CLDN14: variants seen among roughly 807,000 people sequenced by gnomAD.
CLDN14 encodes claudin-14.
A neutral mutation model predicts 2.1 loss-of-function variants in CLDN14; 2 were observed. That is an observed-to-expected ratio of 0.96 (90% confidence interval 0.39 to 3.01). The LOEUF is 3.01. Among genes scored for constraint, CLDN14 ranks in the 30% most tolerant of loss-of-function variants. The pLI is 0.09. For missense variants in CLDN14, 298 were observed against 328.0 expected, an observed-to-expected ratio of 0.91 and a Z score of 0.71; for synonymous variants, 136 against 154.4, an observed-to-expected ratio of 0.88 and a Z score of 0.88.
intron 1 of CLDN14, among the ~76,000 whole-genome samples, chr21:36,533,078 G>A (rs368999393): frequency 7.9e-5 from 12 of 152,318 alleles, no homozygotes; most frequent in South Asian, 2.1e-4. Context: ...TAAATTCAGC[G>A]TGGTCTGAAA....
intron 1 of CLDN14, among the ~76,000 whole-genome samples, chr21:36,573,551 T>A (rs2087723677): frequency 6.6e-6 from 1 of 152,200 alleles, no homozygotes; most frequent in African/African-American, 2.4e-5. Context: ...TCAACACCAC[T>A]ACTATAAAAC....
chr21:36,555,060 G>C (rs915548609), intron 1 of CLDN14, among the ~76,000 whole-genome samples: 3 of 152,248 alleles, frequency 2.0e-5, no homozygotes, highest in Admixed American at 1.3e-4. Context: ...GCTAACCAGA[G>C]GCCTGGCACA....
chr21:36,531,810 G>A (rs1411117370), intron 1 of CLDN14, among the ~76,000 whole-genome samples: 1 of 151,480 alleles, frequency 6.6e-6, no homozygotes. Flanking sequence ...GGCACTTAAG[G>A]CTATTATGTT....
chr21:36,489,129 A>ATATAT (rs56120701), intron 2 of CLDN14, among the ~76,000 whole-genome samples: 16 of 79,036 alleles, frequency 2.0e-4, no homozygotes, highest in East Asian at 9.8e-4. Context: ...AAAAAAAAAA[A>ATATAT]AAATATATAT....
rs148936127 is a variant in CLDN14, at chr21:36,494,082, C to G, written c.-82+16281G>C. Among the ~76,000 whole-genome samples, 144 of 152,292 alleles carry G rather than the reference C, an allele frequency of 9.5e-4. 2 individuals are homozygous for G. The highest frequency in any genetic ancestry group is 3.3e-3 in the African/African-American group (138 of 41,562). ...CTTCTGCGGGGACATCAACTGGATTCGCAAAGAGCCCACCCGTGCTGGGTG... is the reference window on the plus strand; with the variant it reads ...CTTCTGCGGGGACATCAACTGGATTGGCAAAGAGCCCACCCGTGCTGGGTG... On this transcript the variant is annotated intron_variant, in intron 2 of 2. Transcript: ENST00000342108.
At chr21:36,575,275 A>G (rs1240919925) in intron 1 of CLDN14, among the ~76,000 whole-genome samples, 2 of 152,192 alleles carry the variant, frequency 1.3e-5, no homozygotes, top group Non-Finnish European at 2.9e-5. Context: ...CCAAACTGTG[A>G]TACTCAGCAA....
chr21:36,497,736 C>T (rs766677646), intron 2 of CLDN14, among the ~76,000 whole-genome samples: 9 of 152,134 alleles, frequency 5.9e-5, no homozygotes, highest in East Asian at 5.8e-4. Context: ...CTTCTGCCCC[C>T]GCCCAGGTCC....
At position 36,562,343 on chromosome 21, in the gene CLDN14, T is replaced by C. The variant is rs534436068; in HGVS notation, c.-220+14068A>G. 1.5e-4 allele frequency among the ~76,000 whole-genome samples: 23 copies of C among 152,256 alleles called. No individual in the cohort carries two copies. In the South Asian group the frequency reaches 4.1e-3, roughly 27 times the overall value. ...CCAGGAGGGACCCAAGGGCAGGAAG[T>C]AGGCTACAGCCAAGAGATGGGCACC... On this transcript the variant is annotated intron_variant, in intron 1 of 2. Transcript: ENST00000342108.
At chr21:36,523,795 G>T in intron 1 of CLDN14, among the ~76,000 whole-genome samples, 1 of 113,944 alleles carries the variant, frequency 8.8e-6, no homozygotes, top group African/African-American at 4.2e-5. Flanking sequence ...AAGAAAGAAA[G>T]AAAGAAAGAA....
In CLDN14 at chr21:36,461,045, G is replaced by T; in HGVS notation, c.651C>A (p.Tyr217Ter). The T allele has an allele frequency of 6.2e-7, 1 of 1,613,970 alleles. No individual in the cohort carries two copies. The highest frequency in any genetic ancestry group is 2.2e-5 in the East Asian group (1 of 44,876). Residue 217 changes from tyrosine to a stop codon, truncating the protein, a stop_gained, in exon 2 of 2, where the codon TAC becomes TAA. Transcript: ENST00000399135. LOFTEE classifies it high-confidence loss of function. ...TAPAYQPPAA[Y>*]KDNRAPSVTS... The stretch of plus-strand genomic sequence containing the variant: ...TCACTGAGGGGGCCCGATTGTCTTT[G>T]TAGGCAGCTGGTGGCTGGTAGGCAG...
intron 1 of CLDN14, among the ~76,000 whole-genome samples, chr21:36,474,008 G>A (rs183247614): frequency 3.3e-5 from 5 of 152,288 alleles, no homozygotes; most frequent in East Asian, 3.9e-4. Context: ...CAGTTTCGGC[G>A]GAGTTGATTG....
intron 1 of CLDN14, among the ~76,000 whole-genome samples, chr21:36,569,299 C>T (rs938414809): frequency 5.9e-5 from 9 of 152,096 alleles, no homozygotes; most frequent in African/African-American, 2.2e-4. Flanking sequence ...GTCTGTAGTT[C>T]CAGCTACTCA....
At chr21:36,505,594 T>G (rs1461115400) in intron 2 of CLDN14, among the ~76,000 whole-genome samples, 1 of 152,174 alleles carries the variant, frequency 6.6e-6, no homozygotes, top group Non-Finnish European at 1.5e-5. Context: ...GAACCTAACA[T>G]TTCTGCAAAG....
At chr21:36,515,434 A>T (rs112427436) in intron 1 of CLDN14, among the ~76,000 whole-genome samples, 12,562 of 152,088 alleles carry the variant, frequency 0.083, 1,250 homozygotes, top group African/African-American at 0.24. Context: ...GCACTTTGGG[A>T]GCCTGAGGTG....
intron 2 of CLDN14, among the ~76,000 whole-genome samples, chr21:36,491,061 G>A (rs575451534): frequency 1.3e-5 from 2 of 152,080 alleles, no homozygotes; most frequent in East Asian, 3.9e-4. Context: ...TCCAAAGGCC[G>A]AAGAAAGGCC....
chr21:36,523,627 A>G (rs2187302), intron 1 of CLDN14, among the ~76,000 whole-genome samples: 96,409 of 148,992 alleles, frequency 0.65, 35,679 homozygotes, highest in Non-Finnish European at 0.85. Context: ...GTGCACTTGT[A>G]ACCCCAGCTA....
In CLDN14 at chr21:36,561,403, G is replaced by C. The variant is rs992478202; in HGVS notation, c.-220+15008C>G. Among the ~76,000 whole-genome samples, 11 of 152,296 alleles carry C rather than the reference G, an allele frequency of 7.2e-5. No individual in the cohort carries two copies. In the East Asian group the frequency reaches 1.5e-3, roughly 21 times the overall value. ...CAACGGGCTACCTCTCTTGACTTGG[G>C]GGAGGACAGGAAACCCTTTGGGATT... On this transcript the variant is annotated intron_variant, in intron 1 of 2. Transcript: ENST00000342108.
At chr21:36,575,612 G>T (rs2087736748) in intron 1 of CLDN14, among the ~76,000 whole-genome samples, 1 of 152,238 alleles carries the variant, frequency 6.6e-6, no homozygotes, top group African/African-American at 2.4e-5. Flanking sequence ...GTCTGATAAT[G>T]AAGACAGTCT....
At chr21:36,515,789 C>CTT (rs1555850517) in intron 1 of CLDN14, among the ~76,000 whole-genome samples, 2 of 115,314 alleles carry the variant, frequency 1.7e-5, no homozygotes, top group African/African-American at 7.1e-5. Context: ...TTTATCTTCT[C>CTT]TTTTTTTTTT....
Sources: allele counts gnomAD v4.1 joint callset (sites outside exome capture counted in the v4.1 genomes callset), GRCh38; gene constraint gnomAD v4.1.1; transcripts MANE v1.5; gene names NCBI Gene and HGNC (gene_info 2026-07-23, HGNC 2026-07-21).